The following NKAIN3 variants were observed in gnomAD, a reference collection of about 807,000 sequenced individuals.
NKAIN3 encodes the protein sodium/potassium-transporting ATPase subunit beta-1-interacting protein 3.
In NKAIN3, 25 loss-of-function variants were observed where a neutral mutation model predicts 30.2. The ratio of observed to expected loss-of-function variants is 0.83; its 90% CI spans 0.60 to 1.16. The LOEUF (loss-of-function observed/expected upper bound fraction) is 1.16. Among genes scored for constraint, NKAIN3 ranks in the 50% most tolerant of loss-of-function variants. The pLI is 0.00. For missense variants in NKAIN3, 225 were observed against 254.1 expected (o/e 0.89, Z 0.78); for synonymous variants, 91 against 89.6 (o/e 1.02, Z -0.09).
chr8:62,531,834 G>T (rs1447947931), intron 1 of NKAIN3, among the ~76,000 whole-genome samples: 1 of 152,178 alleles, frequency 6.6e-6, no homozygotes, highest in Non-Finnish European at 1.5e-5. Context: ...TACTCCCCAG[G>T]CATGAATGCC....
chr8:62,510,857 C>G (rs993363990), intron 1 of NKAIN3, among the ~76,000 whole-genome samples: 4 of 151,954 alleles, frequency 2.6e-5, no homozygotes, highest in Middle Eastern at 3.4e-3. Context: ...GTTGACTCAC[C>G]TTCCCCCTCT....
Position 62,608,676 on chromosome 8 carries a change from G to A in NKAIN3, c.273+18882G>A, listed in dbSNP as rs894193876. Among the ~76,000 whole-genome samples, 3 of 152,130 alleles carry A rather than the reference G, an allele frequency of 2.0e-5. No homozygotes were observed. In the East Asian group the frequency reaches 5.8e-4, roughly 29 times the overall value. ...CAACAAGCAAGCATCTGCAATTATA[G>A]CATGTAAACTTTAACTTCCTTAAAC... On this transcript the variant is annotated intron_variant, in intron 3 of 6. Transcript: ENST00000623646.
At chr8:62,798,326 C>A (rs1233664849) in intron 4 of NKAIN3, among the ~76,000 whole-genome samples, 3 of 152,128 alleles carry the variant, frequency 2.0e-5, no homozygotes, top group African/African-American at 7.2e-5. Context: ...AATCCCAGCA[C>A]TTTGGGAGGC....
intron 1 of NKAIN3, among the ~76,000 whole-genome samples, chr8:62,300,960 A>T (rs916913850): frequency 2.0e-5 from 3 of 152,134 alleles, no homozygotes; most frequent in African/African-American, 7.2e-5. Flanking sequence ...AACAAAATAT[A>T]CATTATAATA....
intron 1 of NKAIN3, among the ~76,000 whole-genome samples, chr8:62,465,393 C>G (rs558843966): frequency 6.6e-5 from 10 of 152,048 alleles, no homozygotes; most frequent in African/African-American, 1.2e-4. Context: ...GCAGAATAAA[C>G]AAACTTTTCA....
At chr8:62,791,954 T>C (rs1279631777) in intron 4 of NKAIN3, among the ~76,000 whole-genome samples, 1 of 152,184 alleles carries the variant, frequency 6.6e-6, no homozygotes, top group Non-Finnish European at 1.5e-5. Flanking sequence ...GATGTTTTGA[T>C]ATGTATGCAT....
At chr8:62,264,984 T>A (rs1459537975) in intron 1 of NKAIN3, among the ~76,000 whole-genome samples, 1 of 152,114 alleles carries the variant, frequency 6.6e-6, no homozygotes, top group Non-Finnish European at 1.5e-5. Flanking sequence ...AAAGGAGCCA[T>A]GTGATATTTC....
intron 3 of NKAIN3, among the ~76,000 whole-genome samples, chr8:62,729,046 A>AAAAAAAAAAAAAAAAAAAAAAAAAAG (rs1815380744): frequency 7.2e-6 from 1 of 139,402 alleles, no homozygotes; most frequent in African/African-American, 2.7e-5. Context: ...AAAACAAAAA[A>AAAAAAAAAAAAAAAAAAAAAAAAAAG]AAAAAACCTC....
At chr8:62,666,123 G>GAA (rs1813091711) in intron 3 of NKAIN3, among the ~76,000 whole-genome samples, 1 of 152,120 alleles carries the variant, frequency 6.6e-6, no homozygotes, top group Non-Finnish European at 1.5e-5. Flanking sequence ...CTGAGGCAGA[G>GAA]AATTGCTTGA....
At chr8:62,495,596 A>G (rs1336273937) in intron 1 of NKAIN3, among the ~76,000 whole-genome samples, 1 of 150,496 alleles carries the variant, frequency 6.6e-6, no homozygotes, top group African/African-American at 2.4e-5. Flanking sequence ...TTATGTTCTT[A>G]TGGGAACAGA....
chr8:62,412,317 C>CAAACAA (rs1804263024), intron 1 of NKAIN3, among the ~76,000 whole-genome samples: 1 of 149,988 alleles, frequency 6.7e-6, no homozygotes, highest in African/African-American at 2.5e-5. Context: ...AACAAACAAA[C>CAAACAA]AAAAAAAAAC....
intron 3 of NKAIN3, among the ~76,000 whole-genome samples, chr8:62,698,525 A>G (rs1814234421): frequency 6.6e-6 from 1 of 152,168 alleles, no homozygotes; most frequent in Admixed American, 6.5e-5. Flanking sequence ...TTTATGAGTC[A>G]CCTTAAGATC....
Position 62,980,683 on chromosome 8 carries a change from AT to A in NKAIN3, c.*15277del, listed in dbSNP as rs1824055309. 1 of 152,234 alleles carries A rather than the reference AT, an allele frequency of 6.6e-6. No individual in the cohort carries two copies. Among genetic ancestry groups the A allele is most frequent in the Non-Finnish European group, 1.5e-5 (1 of 68,034 alleles). 9.4% of individuals were successfully genotyped at this position (152,234 alleles called of 1,614,324 possible). ...TGACATGTATCTAAACCAGAAAAAA[AT>A]ATTCCTTGTACATGATATTTTTAGG... On this transcript the variant is annotated 3_prime_UTR_variant, in exon 7 of 7. Transcript: ENST00000623646.
At chr8:62,335,886 C>T (rs1453886172) in intron 1 of NKAIN3, among the ~76,000 whole-genome samples, 1 of 152,028 alleles carries the variant, frequency 6.6e-6, no homozygotes, top group East Asian at 1.9e-4. Context: ...CTGACATAGT[C>T]CTTTTTTGCT....
intron 1 of NKAIN3, among the ~76,000 whole-genome samples, chr8:62,317,166 G>GTCA (rs1211201149): frequency 6.6e-6 from 1 of 152,100 alleles, no homozygotes; most frequent in Non-Finnish European, 1.5e-5. Flanking sequence ...TGTAGATTCT[G>GTCA]GATATTAGCC....
chr8:62,926,522 C>T (rs1822449909), intron 5 of NKAIN3, among the ~76,000 whole-genome samples: 1 of 150,700 alleles, frequency 6.6e-6, no homozygotes. Flanking sequence ...CATTCTTCAT[C>T]ACTGCTTTCT....
chr8:62,249,397 C>A (rs1812014081), intron 1 of NKAIN3, among the ~76,000 whole-genome samples: 1 of 152,214 alleles, frequency 6.6e-6, no homozygotes, highest in Non-Finnish European at 1.5e-5. Flanking sequence ...GGCGTCGCCA[C>A]GCGGTCCAGG....
At chr8:62,411,382 C>T (rs551510254) in intron 1 of NKAIN3, among the ~76,000 whole-genome samples, 1 of 152,254 alleles carries the variant, frequency 6.6e-6, no homozygotes, top group African/African-American at 2.4e-5. Context: ...ACAAACTAGG[C>T]ATTTAAGGAA....
At chr8:62,378,922 T>C (rs1405559225) in intron 1 of NKAIN3, among the ~76,000 whole-genome samples, 1 of 152,080 alleles carries the variant, frequency 6.6e-6, no homozygotes, top group Non-Finnish European at 1.5e-5. Flanking sequence ...GAATGGTAGA[T>C]CTACCAACAG....
Sources: gnomAD v4.1 joint callset for allele counts (sites outside exome capture counted in the v4.1 genomes callset) on GRCh38, gnomAD v4.1.1 for gene constraint, MANE v1.5 for transcripts, NCBI Gene and HGNC (gene_info 2026-07-23, HGNC 2026-07-21) for gene names.